Variants in RBFOX1 observed in about 807,000 individuals in gnomAD.
RBFOX1 encodes the protein RNA binding protein fox-1 homolog 1.
In RBFOX1, 8 loss-of-function variants were observed where a neutral mutation model predicts 57.7. The observed-to-expected ratio is 0.14, with a 90% CI of 0.08 to 0.25. RBFOX1 has a LOEUF of 0.25. RBFOX1 is among the 10% of genes least tolerant of loss of function. The pLI, the probability that RBFOX1 is intolerant of heterozygous loss-of-function variation, is 1.00. For synonymous variants in RBFOX1, 326 were observed against 222.4 expected, an observed-to-expected ratio of 1.47 and a Z score of -4.15; for missense variants, 611 against 548.5, an observed-to-expected ratio of 1.11 and a Z score of -1.14.
At chr16:6,360,268 C>A (rs899139119) in intron 2 of RBFOX1, among the ~76,000 whole-genome samples, 1 of 151,808 alleles carries the variant, frequency 6.6e-6, no homozygotes, top group East Asian at 1.9e-4. Context: ...TGTGGACCTG[C>A]CTGGAGACCT....
chr16:7,445,669 A>G (rs983823485), intron 4 of RBFOX1, among the ~76,000 whole-genome samples: 5 of 152,212 alleles, frequency 3.3e-5, no homozygotes, highest in Non-Finnish European at 5.9e-5. Flanking sequence ...TACAAGATCT[A>G]CATGGTACCA....
intron 4 of RBFOX1, among the ~76,000 whole-genome samples, chr16:7,509,065 T>G (rs1054765905): frequency 6.6e-6 from 1 of 152,224 alleles, no homozygotes; most frequent in Admixed American, 6.5e-5. Context: ...AGAGGCTGCC[T>G]TTGGCATTGA....
intron 2 of RBFOX1, among the ~76,000 whole-genome samples, chr16:6,334,030 G>A (rs912885059): frequency 1.3e-5 from 2 of 152,078 alleles, no homozygotes; most frequent in Admixed American, 6.6e-5. Context: ...ACTAGACTCC[G>A]AAGGATTTTT....
At chr16:6,249,531 C>A (rs1292803719) in intron 1 of RBFOX1, among the ~76,000 whole-genome samples, 1 of 151,930 alleles carries the variant, frequency 6.6e-6, no homozygotes, top group African/African-American at 2.4e-5. Context: ...CTCAAAAAAA[C>A]AAACAAACAA....
rs868408688 is a variant in RBFOX1 at position 7,364,927 on chromosome 16, A to G, written c.28-153220A>G. On this transcript the variant is annotated intron_variant, in intron 4 of 15. Transcript: ENST00000550418. Reference sequence around the variant, plus strand: ...GTAATGGATACTAGTGAATGTGTCAATTAGATGCCAAGCACTCTGACTGTT... The same window carrying G: ...GTAATGGATACTAGTGAATGTGTCAGTTAGATGCCAAGCACTCTGACTGTT... Among the ~76,000 whole-genome samples, 7 of 152,230 alleles carry G rather than the reference A, an allele frequency of 4.6e-5. No homozygotes were observed. In the South Asian group the frequency reaches 6.2e-4, roughly 14 times the overall value.
intron 4 of RBFOX1, among the ~76,000 whole-genome samples, chr16:7,346,261 C>T (rs985480520): frequency 2.6e-5 from 4 of 151,880 alleles, no homozygotes; most frequent in Non-Finnish European, 4.4e-5. Context: ...AAGCAATGCC[C>T]CTGGGCCACA....
At chr16:6,001,804 A>C (rs986930998) in intron 4 of RBFOX1, among the ~76,000 whole-genome samples, 1 of 152,154 alleles carries the variant, frequency 6.6e-6, no homozygotes, top group Admixed American at 6.5e-5. Flanking sequence ...ACAGATGACT[A>C]AAGCCTGGGA....
At chr16:7,085,672 G>A (rs957310828) in intron 4 of RBFOX1, among the ~76,000 whole-genome samples, 1 of 152,152 alleles carries the variant, frequency 6.6e-6, no homozygotes, top group Non-Finnish European at 1.5e-5. Flanking sequence ...TTGTCCCTGT[G>A]CAAATTGAGA....
chr16:7,038,670 G>A (rs1195706806), intron 3 of RBFOX1, among the ~76,000 whole-genome samples: 1 of 152,126 alleles, frequency 6.6e-6, no homozygotes. Flanking sequence ...ACAACTCCAC[G>A]AGACTGCATT....
chr16:7,584,477 G>C (rs903687231), intron 6 of RBFOX1, among the ~76,000 whole-genome samples: 5 of 152,056 alleles, frequency 3.3e-5, no homozygotes, highest in African/African-American at 1.2e-4. Flanking sequence ...ATTTTTAGTA[G>C]AGACAGGGTT....
At chr16:6,436,685 G>C (rs2094245248) in intron 2 of RBFOX1, among the ~76,000 whole-genome samples, 1 of 151,830 alleles carries the variant, frequency 6.6e-6, no homozygotes, top group Non-Finnish European at 1.5e-5. Context: ...TACCCCAATG[G>C]ACTGTAAGTT....
At chr16:5,772,547 C>G (rs935338029) in intron 3 of RBFOX1, among the ~76,000 whole-genome samples, 2 of 152,112 alleles carry the variant, frequency 1.3e-5, no homozygotes, top group African/African-American at 4.8e-5. Context: ...AATAATGAGT[C>G]CTTTATACTA....
At chr16:6,055,117 T>C (rs973247449) in intron 1 of RBFOX1, among the ~76,000 whole-genome samples, 4 of 152,172 alleles carry the variant, frequency 2.6e-5, no homozygotes, top group African/African-American at 9.7e-5. Context: ...GGCATCTTTT[T>C]TGGGATGCAA....
chr16:7,423,248 CA>C (rs1352727823), intron 4 of RBFOX1, among the ~76,000 whole-genome samples: 1 of 152,100 alleles, frequency 6.6e-6, no homozygotes. Flanking sequence ...TATCCAACCC[CA>C]TTTCAGCTGC....
At chr16:6,788,819 T>A (rs181533161) in intron 3 of RBFOX1, among the ~76,000 whole-genome samples, 11 of 152,194 alleles carry the variant, frequency 7.2e-5, no homozygotes, top group African/African-American at 2.4e-4. Context: ...TCATACGATG[T>A]GCCAATTTCC....
chr16:6,849,214 T>C (rs942006913), intron 3 of RBFOX1, among the ~76,000 whole-genome samples: 1 of 152,112 alleles, frequency 6.6e-6, no homozygotes, highest in African/African-American at 2.4e-5. Context: ...TATCAGAGAG[T>C]GTGTTGACAG....
At chr16:6,867,700 C>A (rs1004689474) in intron 3 of RBFOX1, among the ~76,000 whole-genome samples, 1 of 152,126 alleles carries the variant, frequency 6.6e-6, no homozygotes, top group South Asian at 2.1e-4. Flanking sequence ...GCACAAGACT[C>A]TGTCTCAGAA....
Position 7,591,254 on chromosome 16 carries a change from A to G in RBFOX1, c.468+3954A>G, listed in dbSNP as rs760375176. On this transcript the variant is annotated intron_variant, in intron 7 of 15. Coordinates refer to ENST00000550418, the MANE Select transcript of RBFOX1 (RefSeq NM_018723.4). ...GTGAGATGAGAGGGCTCATAGTCCC[A>G]TCGGAAAATGAATCTTCAGATGCTC... 2.6e-5 allele frequency among the ~76,000 whole-genome samples: 4 copies of G among 152,210 alleles called. No individual in the cohort carries two copies. The East Asian group carries it at 5.8e-4, about 22-fold the overall frequency.
At chr16:7,578,117 AT>A (rs1234982318) in intron 5 of RBFOX1, among the ~76,000 whole-genome samples, 1 of 152,200 alleles carries the variant, frequency 6.6e-6, no homozygotes, top group East Asian at 1.9e-4. Context: ...TCTTTTTGGT[AT>A]TTAAAAAACT....
Sources: gnomAD v4.1 joint callset for allele counts (sites outside exome capture counted in the v4.1 genomes callset) on GRCh38, gnomAD v4.1.1 for gene constraint, MANE v1.5 for transcripts, NCBI Gene and HGNC (gene_info 2026-07-23, HGNC 2026-07-21) for gene names.